The following MALRD1 variants were observed in gnomAD, a reference collection of about 807,000 sequenced individuals.
The protein encoded by MALRD1 is MAM and LDL receptor class A domain containing 1.
Under a neutral mutation model 242.1 loss-of-function variants are expected in MALRD1, and 247 were observed. The ratio of observed to expected loss-of-function variants is 1.02; its 90% CI spans 0.92 to 1.13. The LOEUF is 1.13. Ranked by LOEUF, MALRD1 falls within the 50% of genes most tolerant of loss-of-function variation. MALRD1 has a pLI of 0.00. For missense variants in MALRD1, 2,989 were observed against 2,533.1 expected (o/e 1.18, Z -3.86); for synonymous variants, 995 against 866.6 (o/e 1.15, Z -2.60).
intron 36 of MALRD1, among the ~76,000 whole-genome samples, chr10:19,635,253 C>G (rs1456505103): frequency 4.6e-5 from 7 of 152,080 alleles, no homozygotes; most frequent in Non-Finnish European, 1.0e-4. Flanking sequence ...ATAGTAAACT[C>G]TCATGGTAAC....
chr10:19,331,078 G>A (rs997834333), intron 23 of MALRD1, among the ~76,000 whole-genome samples: 3 of 152,148 alleles, frequency 2.0e-5, no homozygotes, highest in African/African-American at 7.2e-5. Flanking sequence ...GGCAAAGGCA[G>A]TAGTGGATTG....
chr10:19,641,470 G>C (rs928117010), intron 36 of MALRD1, among the ~76,000 whole-genome samples: 1 of 152,100 alleles, frequency 6.6e-6, no homozygotes, highest in African/African-American at 2.4e-5. Context: ...CCTGCACTAA[G>C]AAAGATGTAT....
At chr10:19,703,714 G>A (rs1412391527) in intron 38 of MALRD1, among the ~76,000 whole-genome samples, 1 of 152,048 alleles carries the variant, frequency 6.6e-6, no homozygotes. Flanking sequence ...GGCCAACATG[G>A]CAAAACCCTA....
chr10:19,617,636 A>T (rs912107008), intron 36 of MALRD1, among the ~76,000 whole-genome samples: 3 of 151,836 alleles, frequency 2.0e-5, no homozygotes, highest in Admixed American at 2.0e-4. Context: ...AAAAAGTAGA[A>T]CTCTTGACAC....
Position 19,674,099 on chromosome 10 carries a change from C to T in MALRD1, c.6138-18183C>T, listed in dbSNP as rs576963167. ...TATAATTTGAGTTAAGACCTCAATT[C>T]CATGAAAGCGCAAGATAGTCTAAGA... On this transcript the variant is annotated intron_variant, in intron 36 of 39. Coordinates refer to ENST00000454679, the MANE Select transcript of MALRD1 (RefSeq NM_001142308.3). Among the ~76,000 whole-genome samples the T allele has an allele frequency of 1.2e-4, 18 of 152,132 alleles. 1 individual carries two copies. The South Asian group carries it at 3.1e-3, about 26-fold the overall frequency.
intron 18 of MALRD1, 70 bp from the exon 19 acceptor site, chr10:19,257,614 A>G (rs751069286): frequency 1.7e-6 from 2 of 1,168,168 alleles, no homozygotes; most frequent in East Asian, 2.6e-5. Flanking sequence ...CTCTTCATCC[A>G]TTCCATAACT....
chr10:19,124,923 A>T (rs1439867244), intron 7 of MALRD1, among the ~76,000 whole-genome samples: 1 of 141,840 alleles, frequency 7.1e-6, no homozygotes, highest in Non-Finnish European at 1.5e-5. Flanking sequence ...GTGAACAAAA[A>T]GTATTAAAAG....
intron 29 of MALRD1, among the ~76,000 whole-genome samples, chr10:19,490,178 C>T (rs1270725862): frequency 6.6e-6 from 1 of 151,988 alleles, no homozygotes; most frequent in Non-Finnish European, 1.5e-5. Flanking sequence ...TGTACTGATC[C>T]TCAACCAATA....
At chr10:19,169,335 C>T (rs1230728142) in intron 13 of MALRD1, among the ~76,000 whole-genome samples, 1 of 152,090 alleles carries the variant, frequency 6.6e-6, no homozygotes, top group Non-Finnish European at 1.5e-5. Flanking sequence ...GGATTTTATA[C>T]ATACACAATA....
chr10:19,135,356 T>C (rs1331597644), intron 9 of MALRD1, among the ~76,000 whole-genome samples: 1 of 152,144 alleles, frequency 6.6e-6, no homozygotes, highest in Non-Finnish European at 1.5e-5. Context: ...GGTTTTATCA[T>C]ATTGGCCAGG....
At position 19,171,137 on chromosome 10, in the gene MALRD1, T is replaced by C. The variant is rs181158932; in HGVS notation, c.1831-4071T>C. On this transcript the variant is annotated intron_variant, in intron 13 of 39. Coordinates refer to ENST00000454679, the MANE Select transcript of MALRD1 (RefSeq NM_001142308.3). ...GATTATGAACATTTATGAATTTTTG[T>C]GGTTCCTAAAAGCAAGAAATTATTT... Among the ~76,000 whole-genome samples, 66 of 152,066 alleles carry C rather than the reference T, an allele frequency of 4.3e-4. 1 individual carries two copies. The South Asian group carries it at 0.011, about 26-fold the overall frequency.
intron 21 of MALRD1, among the ~76,000 whole-genome samples, chr10:19,315,919 T>C (rs1842686908): frequency 6.7e-6 from 1 of 149,682 alleles, no homozygotes; most frequent in Non-Finnish European, 1.5e-5. Flanking sequence ...TAAAATAGTA[T>C]AGTAGTATAC....
chr10:19,252,506 A>G (rs1333010028), intron 18 of MALRD1, among the ~76,000 whole-genome samples: 2 of 152,094 alleles, frequency 1.3e-5, no homozygotes, highest in Non-Finnish European at 2.9e-5. Context: ...ATATAATGCC[A>G]AAAGATCAAC....
chr10:19,444,619 A>C (rs555508525), intron 28 of MALRD1, among the ~76,000 whole-genome samples: 1 of 152,130 alleles, frequency 6.6e-6, no homozygotes, highest in Non-Finnish European at 1.5e-5. Flanking sequence ...TTTCTTTAAG[A>C]ATGTTGAATA....
rs374997010 is a variant in MALRD1, at chr10:19,085,749, A to T, written c.341-2091A>T. 2.6e-5 allele frequency among the ~76,000 whole-genome samples: 4 copies of T among 152,132 alleles called. No homozygotes were observed. The South Asian group carries it at 8.3e-4, about 32-fold the overall frequency. Reference sequence around the variant, plus strand: ...GCTACTTTTATTATTTAATAACTTAATGTGTCAAATCTGATTTTTAATATC... The same window carrying T: ...GCTACTTTTATTATTTAATAACTTATTGTGTCAAATCTGATTTTTAATATC... On this transcript the variant is annotated intron_variant, in intron 2 of 39. Coordinates refer to ENST00000454679, the MANE Select transcript of MALRD1 (RefSeq NM_001142308.3).
intron 29 of MALRD1, among the ~76,000 whole-genome samples, chr10:19,463,265 A>G (rs1836035095): frequency 6.6e-6 from 1 of 152,224 alleles, no homozygotes; most frequent in African/African-American, 2.4e-5. Flanking sequence ...TGGTGCACCC[A>G]TCACGTGAAC....
intron 21 of MALRD1, among the ~76,000 whole-genome samples, chr10:19,305,405 T>C (rs1359552733): frequency 6.6e-6 from 1 of 151,584 alleles, no homozygotes; most frequent in East Asian, 1.9e-4. Context: ...AACTTTTTTT[T>C]GTTTCTGTGC....
chr10:19,250,303 A>G lies in MALRD1; in HGVS notation c.2992-7381A>G, dbSNP rs886886804. ...TGAACCTTCTTCACTTTTTTCTAAAATATCAACCAGACTTTTTTCAATTAA... is the reference window on the plus strand; with the variant it reads ...TGAACCTTCTTCACTTTTTTCTAAAGTATCAACCAGACTTTTTTCAATTAA... On this transcript the variant is annotated intron_variant, in intron 18 of 39. Coordinates refer to ENST00000454679, the MANE Select transcript of MALRD1 (RefSeq NM_001142308.3). Among the ~76,000 whole-genome samples, 6 of 152,002 alleles carry G rather than the reference A, an allele frequency of 3.9e-5. No homozygotes were observed. In the South Asian group the frequency reaches 8.3e-4, roughly 21 times the overall value.
chr10:19,311,325 G>T (rs1009881740), intron 21 of MALRD1, among the ~76,000 whole-genome samples: 3 of 151,302 alleles, frequency 2.0e-5, no homozygotes, highest in African/African-American at 7.3e-5. Context: ...AAAATGTCTT[G>T]AGCTAGAATT....
Sources: allele counts gnomAD v4.1 joint callset (sites outside exome capture counted in the v4.1 genomes callset), GRCh38; gene constraint gnomAD v4.1.1; transcripts MANE v1.5; gene names NCBI Gene and HGNC (gene_info 2026-07-23, HGNC 2026-07-21).